PRKN: variants seen among roughly 807,000 people sequenced by gnomAD.
PRKN encodes parkin RBR E3 ubiquitin protein ligase.
A neutral mutation model predicts 59.5 loss-of-function variants in PRKN; 56 were observed. The observed-to-expected ratio is 0.94, with a 90% CI of 0.76 to 1.18. The LOEUF is 1.18. PRKN is among the 50% of genes most tolerant of loss of function. The probability of loss-of-function intolerance (pLI) is 0.00; values close to 1 mark genes in which losing one functional copy is unlikely to be tolerated. For missense variants in PRKN, 657 were observed against 596.4 expected, an observed-to-expected ratio of 1.10 and a Z score of -1.06; for synonymous variants, 250 against 222.1, an observed-to-expected ratio of 1.13 and a Z score of -1.12.
At chr6:162,651,002 G>A (rs1778407355) in intron 1 of PRKN, among the ~76,000 whole-genome samples, 1 of 152,186 alleles carries the variant, frequency 6.6e-6, no homozygotes, top group Admixed American at 6.5e-5. Flanking sequence ...GATCTAAGGA[G>A]AGGAAAGATA....
intron 6 of PRKN, among the ~76,000 whole-genome samples, chr6:161,910,543 C>T (rs1239814743): frequency 6.6e-6 from 1 of 152,196 alleles, no homozygotes; most frequent in Admixed American, 6.5e-5. Flanking sequence ...GCATGAGCCA[C>T]TGCGCCCGGC....
At chr6:162,333,229 T>C (rs1474012438) in intron 2 of PRKN, among the ~76,000 whole-genome samples, 2 of 87,478 alleles carry the variant, frequency 2.3e-5, no homozygotes, top group African/African-American at 7.5e-5. Context: ...CATTAAAATC[T>C]TTTTTTTTTT....
At chr6:161,990,805 GTGA>G (rs1781617993) in intron 5 of PRKN, among the ~76,000 whole-genome samples, 1 of 152,176 alleles carries the variant, frequency 6.6e-6, no homozygotes, top group African/African-American at 2.4e-5. Flanking sequence ...AGATGGTGAA[GTGA>G]TGATCAAAGA....
intron 4 of PRKN, among the ~76,000 whole-genome samples, chr6:162,192,442 ATTTTTTTTTTT>A (rs10534285): frequency 1.3e-4 from 10 of 74,692 alleles, no homozygotes; most frequent in South Asian, 6.0e-4. Context: ...AATTATAGGG[ATTTTTTTTTTT>A]TTTTTTTTTT....
At chr6:162,060,196 A>T (rs191150094) in intron 4 of PRKN, among the ~76,000 whole-genome samples, 1 of 152,224 alleles carries the variant, frequency 6.6e-6, no homozygotes, top group Non-Finnish European at 1.5e-5. Flanking sequence ...ATATAATCGC[A>T]TATGTTTGTA....
chr6:161,437,064 A>C (rs1788946361), intron 9 of PRKN, among the ~76,000 whole-genome samples: 1 of 152,122 alleles, frequency 6.6e-6, no homozygotes, highest in African/African-American at 2.4e-5. Context: ...TACCGACCCT[A>C]TATATGCTGT....
intron 6 of PRKN, among the ~76,000 whole-genome samples, chr6:161,875,233 T>G (rs1475158395): frequency 6.7e-6 from 1 of 148,672 alleles, no homozygotes; most frequent in Non-Finnish European, 1.5e-5. Context: ...CTCACTCTGT[T>G]TCCCAGGCTA....
At chr6:162,227,501 A>T (rs1778235098) in intron 3 of PRKN, among the ~76,000 whole-genome samples, 1 of 152,152 alleles carries the variant, frequency 6.6e-6, no homozygotes, top group Admixed American at 6.6e-5. Context: ...TCTCTCAATG[A>T]TCAATAAATC....
intron 1 of PRKN, among the ~76,000 whole-genome samples, chr6:162,667,394 T>TTAA (rs1779140950): frequency 6.6e-6 from 1 of 152,080 alleles, no homozygotes; most frequent in African/African-American, 2.4e-5. Flanking sequence ...TAGTTAAGCT[T>TTAA]TCAACCACAT....
At chr6:162,464,828 C>CAA (rs546662031) in intron 1 of PRKN, among the ~76,000 whole-genome samples, 2 of 137,294 alleles carry the variant, frequency 1.5e-5, no homozygotes, top group East Asian at 2.1e-4. Context: ...GATTCCGTCT[C>CAA]AAAAAAAAAA....
intron 6 of PRKN, among the ~76,000 whole-genome samples, chr6:161,815,296 T>C (rs1405207944): frequency 6.6e-6 from 1 of 152,244 alleles, no homozygotes; most frequent in Non-Finnish European, 1.5e-5. Context: ...TATTGTACTT[T>C]GAATTCAAAG....
In PRKN at chr6:161,445,941, G is replaced by C. The variant is rs1381556421; in HGVS notation, c.1084-59064C>G. Among the ~76,000 whole-genome samples, 1 of 152,030 alleles carries C rather than the reference G, an allele frequency of 6.6e-6. No individual in the cohort carries two copies. The highest frequency in any genetic ancestry group is 1.5e-5 in the Non-Finnish European group (1 of 67,994). Reference sequence around the variant, plus strand: ...GATGGAGTGGCGGGGATAGGGACCAGAGCAGAGAGGGCAGCAGCATAAACA... The same window carrying C: ...GATGGAGTGGCGGGGATAGGGACCACAGCAGAGAGGGCAGCAGCATAAACA... On this transcript the variant is annotated intron_variant, in intron 9 of 11. Transcript: ENST00000366898. The surrounding 1 kb of genome is among the most constrained non-coding windows in gnomAD (Gnocchi z 7.7).
rs1562472281 is a variant in PRKN, at chr6:161,473,652, T to C, written c.1083+75202A>G. On this transcript the variant is annotated intron_variant, in intron 9 of 11. Transcript: ENST00000366898. This position sits in a 1 kb window ranked among gnomAD's most constrained non-coding sequence, Gnocchi z 4.1. ...ACAGGTAGGACAAATATTCTAGAAA[T>C]GTACTAGAGGACTATAATTATAATA... is the stretch of plus-strand genomic sequence containing the variant. 1.3e-5 allele frequency among the ~76,000 whole-genome samples: 2 copies of C among 149,792 alleles called. No individual in the cohort carries two copies. The highest frequency in any genetic ancestry group is 5.0e-5 in the African/African-American group (2 of 39,786).
chr6:161,861,266 C>T (rs1241331955), intron 6 of PRKN, among the ~76,000 whole-genome samples: 1 of 152,176 alleles, frequency 6.6e-6, no homozygotes, highest in Non-Finnish European at 1.5e-5. Context: ...GAGTTTGTGT[C>T]CTTTGCAGGG....
intron 2 of PRKN, among the ~76,000 whole-genome samples, chr6:162,321,629 G>T (rs1369249809): frequency 6.6e-6 from 1 of 151,880 alleles, no homozygotes; most frequent in Non-Finnish European, 1.5e-5. Context: ...TTAACAAATA[G>T]AATTCAACAA....
intron 1 of PRKN, chr6:162,569,794 G>A: frequency 2.1e-6 from 1 of 477,954 alleles, no homozygotes; most frequent in Non-Finnish European, 3.9e-6. Context: ...GAGGGAGGCT[G>A]CTGTGCAGCG....
At chr6:161,857,152 C>T (rs551802278) in intron 6 of PRKN, among the ~76,000 whole-genome samples, 2 of 152,216 alleles carry the variant, frequency 1.3e-5, no homozygotes, top group East Asian at 3.9e-4. Flanking sequence ...TCGCTTGAGC[C>T]CGGGAGGCAG....
At chr6:162,393,656 AT>A (rs1221720032) in intron 2 of PRKN, among the ~76,000 whole-genome samples, 1 of 152,190 alleles carries the variant, frequency 6.6e-6, no homozygotes, top group African/African-American at 2.4e-5. Context: ...AAATTATTAA[AT>A]TAGCTAGAAT....
intron 1 of PRKN, among the ~76,000 whole-genome samples, chr6:162,477,812 T>C (rs2128180951): frequency 6.6e-6 from 1 of 152,306 alleles, no homozygotes; most frequent in South Asian, 2.1e-4. Flanking sequence ...CATCTCTAAC[T>C]ATTCAGGAAG....
Sources: allele counts gnomAD v4.1 joint callset (sites outside exome capture counted in the v4.1 genomes callset), GRCh38; gene constraint gnomAD v4.1.1; non-coding constraint Gnocchi (gnomAD v3.1); transcripts MANE v1.5; gene names NCBI Gene and HGNC (gene_info 2026-07-23, HGNC 2026-07-21).